The following RFX1 variants were observed in gnomAD, a reference collection of about 807,000 sequenced individuals.
RFX1 encodes MHC class II regulatory factor RFX1.
In RFX1, 42 loss-of-function variants were observed where a neutral mutation model predicts 119.6. That is an observed-to-expected ratio of 0.35 (90% CI 0.27 to 0.45). The LOEUF is 0.45. Among genes scored for constraint, RFX1 ranks in the 20% least tolerant of loss-of-function variants. RFX1 has a pLI of 1.00. For missense variants in RFX1, 1,118 were observed against 1,368.1 expected (o/e 0.82, Z 2.88); for synonymous variants, 628 against 618.5 (o/e 1.02, Z -0.23).
chr19:13,974,111 G>A (rs527684335), intron 8 of RFX1, among the ~76,000 whole-genome samples: 1 of 152,284 alleles, frequency 6.6e-6, no homozygotes, highest in Non-Finnish European at 1.5e-5. Context: ...CCGGCCCCCG[G>A]AACCGTCTAG....
At chr19:13,997,891 TG>T (rs1446976553) in intron 1 of RFX1, among the ~76,000 whole-genome samples, 1 of 152,076 alleles carries the variant, frequency 6.6e-6, no homozygotes, top group Non-Finnish European at 1.5e-5. Context: ...AAAAGGCTGC[TG>T]CCTGCCTTGA....
chr19:14,003,516 G>A (rs1329869265), intron 1 of RFX1, among the ~76,000 whole-genome samples: 1 of 151,646 alleles, frequency 6.6e-6, no homozygotes, highest in East Asian at 1.9e-4. Context: ...GTATTTCCGA[G>A]GGTTGAACAG....
chr19:13,994,418 T>C (rs112215639), intron 1 of RFX1, among the ~76,000 whole-genome samples: 3,267 of 152,208 alleles, frequency 0.021, 107 homozygotes, highest in African/African-American at 0.075. Context: ...AGTTCATCTT[T>C]TTAAAATGTC....
intron 18 of RFX1, 60 bp downstream of exon 18, chr19:13,963,478 C>T: frequency 1.3e-6 from 2 of 1,503,948 alleles, no homozygotes; most frequent in South Asian, 1.2e-5. Flanking sequence ...GCACCTGAGA[C>T]CCCCAGGGAC....
Position 13,983,287 on chromosome 19 carries a change from G to A in RFX1, c.430-17C>T. Reference sequence around the variant, plus strand: ...CAGCAGCCGCTGTGGAGACAAGGCAGGAGGAGCTGAGCTGCCACTTCCCCC... The same window carrying A: ...CAGCAGCCGCTGTGGAGACAAGGCAAGAGGAGCTGAGCTGCCACTTCCCCC... On this transcript the variant is annotated splice_polypyrimidine_tract_variant and intron_variant, in intron 3 of 20. Coordinates refer to ENST00000254325, the MANE Select transcript of RFX1 (RefSeq NM_002918.5). The A allele has an allele frequency of 6.5e-7, 1 of 1,539,170 alleles. No individual in the cohort carries two copies. Among genetic ancestry groups the A allele is most frequent in the Non-Finnish European group, 8.7e-7 (1 of 1,146,172 alleles).
At position 13,980,432 on chromosome 19, in the gene RFX1, T is replaced by C. The variant is rs1258179512; in HGVS notation, c.738+141A>G. 11 of 598,010 alleles carry C rather than the reference T, an allele frequency of 1.8e-5. No homozygotes were observed. Among genetic ancestry groups the C allele is most frequent in the Non-Finnish European group, 1.2e-5 (4 of 339,528 alleles). 37.0% of individuals were successfully genotyped at this position (598,010 alleles called of 1,614,324 possible). A position where few individuals can be genotyped will look rare whatever the true frequency, so the allele number is the denominator to read the frequency against. ...TGAGTCTGGAGACAGGCAGAGATGC[T>C]TATCAAAGGCCAGGGTGGCAGGCTG... is the stretch of plus-strand genomic sequence containing the variant. On this transcript the variant is annotated intron_variant, in intron 6 of 20. Transcript: ENST00000254325. This position sits in a 1 kb window ranked among gnomAD's most constrained non-coding sequence, Gnocchi z 5.1.
At chr19:13,963,305 A>AGGCCCCGTCC in intron 18 of RFX1, 30 bp from the exon 19 acceptor site, 6 of 1,590,930 alleles carry the variant, frequency 3.8e-6, no homozygotes, top group Non-Finnish European at 5.1e-6. Context: ...GGAGACCGTC[A>AGGCCCCGTCC]GGCCCCGTCC....
chr19:13,970,379 T>C (rs890618549), intron 9 of RFX1, among the ~76,000 whole-genome samples: 1 of 151,680 alleles, frequency 6.6e-6, no homozygotes, highest in Non-Finnish European at 1.5e-5. Context: ...TTGCCATGTA[T>C]AGCTAAATAC....
At chr19:13,981,312 G>A (rs1357061761) in intron 5 of RFX1, among the ~76,000 whole-genome samples, 6 of 152,316 alleles carry the variant, frequency 3.9e-5, no homozygotes. Flanking sequence ...AAGGCTCAAA[G>A]GGGCCGGGCA....
chr19:13,983,328 G>A (rs755092470), intron 3 of RFX1, 58 bp from the exon 4 acceptor site: 3 of 1,434,248 alleles, frequency 2.1e-6, no homozygotes, highest in Non-Finnish European at 2.8e-6. Flanking sequence ...GGCCTGGCGT[G>A]GTTGGGTGGC....
At position 13,980,440 on chromosome 19, in the gene RFX1, G is replaced by C; in HGVS notation, c.738+133C>G. The C allele has an allele frequency of 3.3e-6, 2 of 603,798 alleles. No individual in the cohort carries two copies. The highest frequency in any genetic ancestry group is 5.7e-5 in the East Asian group (2 of 35,038). 37.4% of individuals were successfully genotyped at this position (603,798 alleles called of 1,614,324 possible). A position where few individuals can be genotyped will look rare whatever the true frequency, so the allele number is the denominator to read the frequency against. ...GAGACAGGCAGAGATGCTTATCAAA[G>C]GCCAGGGTGGCAGGCTGGGGCTGGA... On this transcript the variant is annotated intron_variant, in intron 6 of 20. Coordinates refer to ENST00000254325, the MANE Select transcript of RFX1 (RefSeq NM_002918.5). This position sits in a 1 kb window ranked among gnomAD's most constrained non-coding sequence, Gnocchi z 5.1.
intron 3 of RFX1, 41 bp from the exon 4 acceptor site, chr19:13,983,311 C>A: frequency 6.7e-7 from 1 of 1,498,540 alleles, no homozygotes; most frequent in South Asian, 1.2e-5. Flanking sequence ...GCCACTTCCC[C>A]CAGGGAGGCC....
At chr19:13,978,191 C>G in intron 7 of RFX1, 105 bp from the exon 8 acceptor site, 1 of 782,920 alleles carries the variant, frequency 1.3e-6, no homozygotes, top group Non-Finnish European at 2.1e-6. Flanking sequence ...CGCCCAGCTC[C>G]CGGACCCAAG....
rs1300214149 is a variant in RFX1, at chr19:13,962,787, G to C, written c.2848C>G (p.Pro950Ala). 1.3e-6 allele frequency: 2 copies of C among 1,530,116 alleles called. No homozygotes were observed. Among genetic ancestry groups the C allele is most frequent in the Non-Finnish European group, 8.7e-7 (1 of 1,143,312 alleles). 94.8% of individuals were successfully genotyped at this position (1,530,116 alleles called of 1,614,324 possible). Reference protein sequence around the residue: ...DISLAAGGESPALGPETLEPP... With the variant: ...DISLAAGGESAALGPETLEPP... ...TCCAGGGTCTCCGGGCCCAGCGCGG[G>C]TGACTCGCCGCCAGCCGCCAGTGAG... The change falls in exon 21 of 21, where the codon CCC (proline) becomes GCC (alanine). Residue 950 changes from proline to alanine, a missense_variant. Pro to Ala is a conservative substitution (Grantham distance 27). This residue lies in a region of RFX1 where 138 missense variants were observed against 117.8 expected (regional missense o/e 1.17). Coordinates refer to ENST00000254325, the MANE Select transcript of RFX1 (RefSeq NM_002918.5).
Position 13,965,533 on chromosome 19 carries a change from T to A in RFX1, c.2127A>T (p.Gln709His), listed in dbSNP as rs1476404146. Residue 709 changes from glutamine (Q) to histidine (H), a missense_variant, in exon 16 of 21, where the codon CAA (glutamine) becomes CAT (histidine). This residue lies in a region of RFX1 where 338 missense variants were observed against 508.9 expected (regional missense o/e 0.66). Transcript: ENST00000254325. The surrounding 1 kb of genome is among the most constrained non-coding windows in gnomAD (Gnocchi z 4.7). The part of the protein sequence containing the change: ...VLRPIPSALT[Q>H]AIRNFAKSLE... ...GGCTCTTGGCAAAGTTCCGGATCGC[T>A]TGGGTCAAGGCACCTGTGGGCGGTG... The A allele has an allele frequency of 6.2e-7, 1 of 1,613,738 alleles. No homozygotes were observed. Among genetic ancestry groups the A allele is most frequent in the Non-Finnish European group, 8.5e-7 (1 of 1,179,986 alleles).
Position 13,968,755 on chromosome 19 carries a change from G to A in RFX1, c.1616+20C>T, listed in dbSNP as rs1973983106. The A allele has an allele frequency of 6.2e-7, 1 of 1,606,212 alleles. No individual in the cohort carries two copies. Among genetic ancestry groups the A allele is most frequent in the South Asian group, 1.1e-5 (1 of 90,424 alleles). Reference sequence around the variant, plus strand: ...CCCTTCCCCGCCTGCCCTGCCCTGGGTCCGGCCCTGCCTTCCTACCTCTGC... The same window carrying A: ...CCCTTCCCCGCCTGCCCTGCCCTGGATCCGGCCCTGCCTTCCTACCTCTGC... On this transcript the variant is annotated intron_variant, in intron 11 of 20. Coordinates refer to ENST00000254325, the MANE Select transcript of RFX1 (RefSeq NM_002918.5). This position sits in a 1 kb window ranked among gnomAD's most constrained non-coding sequence, Gnocchi z 5.5.
At position 14,000,833 on chromosome 19, in the gene RFX1, G is replaced by A. The variant is rs986306963; in HGVS notation, c.-53+5270C>T. ...ATCCTGGACAGGCATGGCGGCTCAC[G>A]CCTGTAATCTCAGCACTTTGAGAGC... On this transcript the variant is annotated intron_variant, in intron 1 of 20. Coordinates refer to ENST00000254325, the MANE Select transcript of RFX1 (RefSeq NM_002918.5). Among the ~76,000 whole-genome samples the A allele has an allele frequency of 3.3e-5, 5 of 152,070 alleles. No homozygotes were observed. The South Asian group carries it at 6.2e-4, about 19-fold the overall frequency.
Position 13,963,380 on chromosome 19 carries a change from A to C in RFX1, c.2571-105T>G, listed in dbSNP as rs553997090. Reference sequence around the variant, plus strand: ...GGGCCTCGCGCCAGCCCAGTGACTCAGGCTGGATCCCGCACAGCCTTCCCG... The same window carrying C: ...GGGCCTCGCGCCAGCCCAGTGACTCCGGCTGGATCCCGCACAGCCTTCCCG... On this transcript the variant is annotated intron_variant, in intron 18 of 20. Transcript: ENST00000254325. The C allele has an allele frequency of 9.6e-6, 14 of 1,458,308 alleles. No homozygotes were observed. The African/African-American group carries it at 1.8e-4, about 19-fold the overall frequency. The allele number at this position is 1,458,308 out of a possible 1,614,324, so 90.3% of individuals were successfully genotyped here. A position where few individuals can be genotyped will look rare whatever the true frequency, so the allele number is the denominator to read the frequency against.
rs150504419 is a variant in RFX1, at chr19:13,993,610, G to A, written c.234C>T (p.Leu78=). ...PGGQKQYVTE[L]PAVPAPSQPT... ...GCTGCGAGGGTGCGGGTACAGCCGG[G>A]AGCTCCGTCACGTACTGCTTCTGGC... Residue 78 remains leucine, a synonymous_variant, in exon 2 of 21, where the codon CTC becomes CTT. Coordinates refer to ENST00000254325, the MANE Select transcript of RFX1 (RefSeq NM_002918.5). 18 of 1,611,374 alleles carry A rather than the reference G, an allele frequency of 1.1e-5. No homozygotes were observed. The highest frequency in any genetic ancestry group is 5.3e-5 in the African/African-American group (4 of 74,846).
Sources: gnomAD v4.1 joint callset for allele counts (sites outside exome capture counted in the v4.1 genomes callset) on GRCh38, gnomAD v4.1.1 for gene constraint, gnomAD v4.1.1 regional missense constraint, Gnocchi (gnomAD v3.1) non-coding constraint, MANE v1.5 for transcripts, NCBI Gene and HGNC (gene_info 2026-07-23, HGNC 2026-07-21) for gene names.